USP6NL: variants seen among roughly 807,000 people sequenced by gnomAD.
USP6NL encodes the protein USP6 N-terminal-like protein.
Under a neutral mutation model 61.9 loss-of-function variants are expected in USP6NL, and 26 were observed. The ratio of observed to expected loss-of-function variants is 0.42; its 90% confidence interval spans 0.31 to 0.58. The LOEUF (loss-of-function observed/expected upper bound fraction) is 0.58. Among genes scored for constraint, USP6NL ranks in the 20% least tolerant of loss-of-function variants. The pLI is 0.16. For synonymous variants in USP6NL, 432 were observed against 390.1 expected (o/e 1.11, Z -1.27); for missense variants, 1,114 against 1,034.3 (o/e 1.08, Z -1.06).
intron 2 of USP6NL, among the ~76,000 whole-genome samples, chr10:11,583,216 T>C (rs1285956049): frequency 6.9e-6 from 1 of 145,566 alleles, no homozygotes; most frequent in African/African-American, 2.6e-5. Flanking sequence ...TGAGACGGAG[T>C]CTCGCTCTGT....
In USP6NL at chr10:11,463,325, T is replaced by C. The variant is rs1166670521; in HGVS notation, c.1603A>G (p.Lys535Glu). 4 of 1,613,776 alleles carry C rather than the reference T, an allele frequency of 2.5e-6. No homozygotes were observed. The highest frequency in any genetic ancestry group is 3.4e-6 in the Non-Finnish European group (4 of 1,179,868). Residue 535 changes from lysine (K) to glutamate (E), a missense_variant, in exon 15 of 15, where the codon AAG becomes GAG. By Grantham distance (56) the Lys-to-Glu change is moderately conservative. Coordinates refer to ENST00000609104, the MANE Select transcript of USP6NL (RefSeq NM_014688.5). The surrounding 1 kb of genome is among the most constrained non-coding windows in gnomAD (Gnocchi z 6.3). ...TTCCCGTCCTCAGCATCCAGGGCCT[T>C]CATCTTTGGCCGCACGTTTGACACC... ...VRVSNVRPKM[K>E]ALDAEDGKRG...
At chr10:11,502,884 T>A (rs1488229855) in intron 6 of USP6NL, among the ~76,000 whole-genome samples, 1 of 152,218 alleles carries the variant, frequency 6.6e-6, no homozygotes, top group Non-Finnish European at 1.5e-5. Flanking sequence ...GAAATTTTAA[T>A]CCCATGCGAT....
In USP6NL at chr10:11,468,068, G is replaced by T. The variant is rs541437337; in HGVS notation, c.1079-4219C>A. 6.6e-6 allele frequency among the ~76,000 whole-genome samples: 1 copy of T among 152,286 alleles called. No individual in the cohort carries two copies. The highest frequency in any genetic ancestry group is 2.4e-5 in the African/African-American group (1 of 41,578). The stretch of plus-strand genomic sequence containing the variant: ...AACAAAGTCAGATTAATCAAGTATG[G>T]CATCGCTTGATGGAGTCATGATGAG... On this transcript the variant is annotated intron_variant, in intron 14 of 14. Transcript: ENST00000609104. The surrounding 1 kb of genome is among the most constrained non-coding windows in gnomAD (Gnocchi z 4.5).
chr10:11,479,233 A>C (rs562994542), intron 14 of USP6NL, among the ~76,000 whole-genome samples: 1 of 152,326 alleles, frequency 6.6e-6, no homozygotes, highest in South Asian at 2.1e-4. Context: ...GGAAAGCTGT[A>C]TGGAAGGTGT....
At chr10:11,515,475 T>C (rs548977164) in intron 5 of USP6NL, among the ~76,000 whole-genome samples, 24 of 152,348 alleles carry the variant, frequency 1.6e-4, no homozygotes, top group African/African-American at 5.5e-4. Flanking sequence ...CTCTAATTTA[T>C]AGCCCTTCAC....
rs1591837369 is a variant in USP6NL, at chr10:11,490,761, C to A, written c.543+71G>T. 1 of 1,446,300 alleles carries A rather than the reference C, an allele frequency of 6.9e-7. No individual in the cohort carries two copies. The highest frequency in any genetic ancestry group is 2.5e-5 in the East Asian group (1 of 40,230). 89.6% of individuals were successfully genotyped at this position (1,446,300 alleles called of 1,614,324 possible). A position where few individuals can be genotyped will look rare whatever the true frequency, so the allele number is the denominator to read the frequency against. Reference sequence around the variant, plus strand: ...GCTCTGAGATGCAGAAATGTGCCCACAGGGCCCTGCTAAGTAGGGAGTACC... The same window carrying A: ...GCTCTGAGATGCAGAAATGTGCCCAAAGGGCCCTGCTAAGTAGGGAGTACC... On this transcript the variant is annotated intron_variant, in intron 9 of 14. Coordinates refer to ENST00000609104, the MANE Select transcript of USP6NL (RefSeq NM_014688.5). This position sits in a 1 kb window ranked among gnomAD's most constrained non-coding sequence, Gnocchi z 4.5.
At chr10:11,480,044 T>C (rs1160242262) in intron 14 of USP6NL, among the ~76,000 whole-genome samples, 1 of 152,218 alleles carries the variant, frequency 6.6e-6, no homozygotes, top group Non-Finnish European at 1.5e-5. Context: ...TAATCCATTC[T>C]ACCTTCACTG....
At position 11,598,547 on chromosome 10, in the gene USP6NL, C is replaced by T. The variant is rs111979898; in HGVS notation, c.-83-830G>A. ...CTATATTTAAACATAACCATGGATGCACAAATGCCTACCTAAATCTATCAT... is the reference window on the plus strand; with the variant it reads ...CTATATTTAAACATAACCATGGATGTACAAATGCCTACCTAAATCTATCAT... On this transcript the variant is annotated intron_variant, in intron 1 of 14. Coordinates refer to ENST00000609104, the MANE Select transcript of USP6NL (RefSeq NM_014688.5). The surrounding 1 kb of genome is among the most constrained non-coding windows in gnomAD (Gnocchi z 4.7). 5.1e-4 allele frequency among the ~76,000 whole-genome samples: 77 copies of T among 152,032 alleles called. No individual in the cohort carries two copies. Among genetic ancestry groups the T allele is most frequent in the African/African-American group, 1.8e-3 (74 of 41,408 alleles).
chr10:11,532,583 A>C lies in USP6NL; in HGVS notation c.5-5016T>G, dbSNP rs1835702881. ...CCGCTAACAAACAGCGGCTTGAAAG[A>C]AGCAGCTTCATAATGTGCCTTCATC... On this transcript the variant is annotated intron_variant, in intron 2 of 14. Coordinates refer to ENST00000609104, the MANE Select transcript of USP6NL (RefSeq NM_014688.5). The surrounding 1 kb of genome is among the most constrained non-coding windows in gnomAD (Gnocchi z 4.1). 6.6e-6 allele frequency among the ~76,000 whole-genome samples: 1 copy of C among 152,204 alleles called. No individual in the cohort carries two copies. Among genetic ancestry groups the C allele is most frequent in the Non-Finnish European group, 1.5e-5 (1 of 68,034 alleles).
intron 1 of USP6NL, among the ~76,000 whole-genome samples, chr10:11,608,987 T>A (rs1564248028): frequency 6.6e-6 from 1 of 152,094 alleles, no homozygotes; most frequent in Non-Finnish European, 1.5e-5. Context: ...AATACAGGAG[T>A]CATCTGTTCA....
In USP6NL at chr10:11,485,053, G is replaced by A; in HGVS notation, c.843C>T (p.Asn281=). ...AGATGTAGATATCCCATATTCTGAG[G>A]TTTAGTGTAAAGGGAGTCTACAATT... The part of the protein sequence containing the change: ...CFLDRTPFTL[N]LRIWDIYIFE... Residue 281 remains asparagine, a synonymous_variant, in exon 13 of 15, where the codon AAC becomes AAT. Coordinates refer to ENST00000609104, the MANE Select transcript of USP6NL (RefSeq NM_014688.5). This position sits in a 1 kb window ranked among gnomAD's most constrained non-coding sequence, Gnocchi z 4.8. 1.3e-6 allele frequency: 2 copies of A among 1,550,768 alleles called. No homozygotes were observed. The highest frequency in any genetic ancestry group is 1.7e-6 in the Non-Finnish European group (2 of 1,146,784).
rs557200468 is a variant in USP6NL at position 11,574,327 on chromosome 10, C to T, written c.4+23304G>A. Among the ~76,000 whole-genome samples the T allele has an allele frequency of 6.6e-6, 1 of 152,246 alleles. No individual in the cohort carries two copies. Among genetic ancestry groups the T allele is most frequent in the East Asian group, 1.9e-4 (1 of 5,182 alleles). ...CTCCTCACATATACACCTCTGACAT[C>T]CCAGTCCATGAATAGAAGTCTAAAT... is the stretch of plus-strand genomic sequence containing the variant. On this transcript the variant is annotated intron_variant, in intron 2 of 14. Coordinates refer to ENST00000609104, the MANE Select transcript of USP6NL (RefSeq NM_014688.5). The surrounding 1 kb of genome is among the most constrained non-coding windows in gnomAD (Gnocchi z 4.3).
rs1166162206 is a variant in USP6NL at position 11,461,500 on chromosome 10, GAAGA to G, written c.*937_*940del. 6.6e-6 allele frequency: 1 copy of G among 152,216 alleles called. No individual in the cohort carries two copies. Among genetic ancestry groups the G allele is most frequent in the Admixed American group, 6.5e-5 (1 of 15,280 alleles). 9.4% of individuals were successfully genotyped at this position (152,216 alleles called of 1,614,324 possible). A position where few individuals can be genotyped will look rare whatever the true frequency, so the allele number is the denominator to read the frequency against. Reference sequence around the variant, plus strand: ...GGGAGAAGCCATGTGAGTCGAGGCAGAAGAAAGAAGTAACCACACTGCTAATGCA... The same window carrying G: ...GGGAGAAGCCATGTGAGTCGAGGCAGAAGAAGTAACCACACTGCTAATGCA... On this transcript the variant is annotated 3_prime_UTR_variant, in exon 15 of 15. Coordinates refer to ENST00000609104, the MANE Select transcript of USP6NL (RefSeq NM_014688.5).
chr10:11,555,778 A>G (rs1405188040), intron 2 of USP6NL, among the ~76,000 whole-genome samples: 1 of 152,192 alleles, frequency 6.6e-6, no homozygotes, highest in African/African-American at 2.4e-5. Context: ...GAAAAAGACA[A>G]CCTTCAAATG....
chr10:11,529,908 C>T (rs1221543251), intron 2 of USP6NL, among the ~76,000 whole-genome samples: 1 of 152,054 alleles, frequency 6.6e-6, no homozygotes, highest in Non-Finnish European at 1.5e-5. Context: ...TGAGACCAGC[C>T]TGGCCAACAT....
chr10:11,546,724 G>A (rs1836285701), intron 2 of USP6NL, among the ~76,000 whole-genome samples: 4 of 152,132 alleles, frequency 2.6e-5, no homozygotes, highest in Admixed American at 2.6e-4. Flanking sequence ...TTGGCTTTCT[G>A]TTCTTCTACA....
intron 2 of USP6NL, among the ~76,000 whole-genome samples, chr10:11,555,433 A>AAAAAAAATAT (rs1275798295): frequency 1.3e-3 from 64 of 48,976 alleles, no homozygotes; most frequent in Non-Finnish European, 1.5e-3. Context: ...AAAAAAAAAA[A>AAAAAAAATAT]ATATATATAT....
chr10:11,484,932 A>G (rs1182203890), intron 13 of USP6NL, 39 bp downstream of exon 13: 1 of 1,460,488 alleles, frequency 6.8e-7, no homozygotes, highest in Non-Finnish European at 9.1e-7. Flanking sequence ...ATAAGCCTCA[A>G]TTTTTAATGA....
intron 2 of USP6NL, among the ~76,000 whole-genome samples, chr10:11,554,513 A>C (rs1230775453): frequency 6.6e-6 from 1 of 152,174 alleles, no homozygotes; most frequent in Non-Finnish European, 1.5e-5. Context: ...AAGCACCCAG[A>C]CTCCAGCTCA....
Sources: gnomAD v4.1 joint callset for allele counts (sites outside exome capture counted in the v4.1 genomes callset) on GRCh38, gnomAD v4.1.1 for gene constraint, Gnocchi (gnomAD v3.1) non-coding constraint, MANE v1.5 for transcripts, NCBI Gene and HGNC (gene_info 2026-07-23, HGNC 2026-07-21) for gene names.